Variants in CNTLN observed in about 807,000 individuals in gnomAD.
CNTLN encodes the protein centlein, also known as centlein, centrosomal protein.
A neutral mutation model predicts 180.0 loss-of-function variants in CNTLN; 212 were observed. The observed-to-expected ratio is 1.18, with a 90% confidence interval of 1.05 to 1.32. The LOEUF is 1.32. CNTLN is among the 40% of genes most tolerant of loss of function. The pLI, the probability that CNTLN is intolerant of heterozygous loss-of-function variation, is 0.00. For synonymous variants in CNTLN, 722 were observed against 563.1 expected (o/e 1.28, Z -3.99); for missense variants, 2,095 against 1,610.9 (o/e 1.30, Z -5.14).
chr9:17,445,880 G>A (rs973547443), intron 18 of CNTLN, among the ~76,000 whole-genome samples: 1 of 152,102 alleles, frequency 6.6e-6, no homozygotes, highest in Non-Finnish European at 1.5e-5. Context: ...CTGGGCAATG[G>A]AATGTCCCGG....
At chr9:17,168,374 A>C (rs1820219183) in intron 2 of CNTLN, 1 of 152,168 alleles carries the variant, frequency 6.6e-6, no homozygotes, top group African/African-American at 2.4e-5. Flanking sequence ...AAAAAAGAAA[A>C]AAGTTATATC....
Position 17,298,967 on chromosome 9 carries a change from G to C in CNTLN, c.1146+615G>C, listed in dbSNP as rs536354959. The C allele has an allele frequency of 6.1e-6, 6 of 983,708 alleles. No individual in the cohort carries two copies. In the African/African-American group the frequency reaches 1.0e-4, roughly 17 times the overall value. The allele number at this position is 983,708 out of a possible 1,614,324, so 60.9% of individuals were successfully genotyped here. ...TTAAAAAAAATACCTTTATTGGCCG[G>C]GCATGGTGGCTCATGCCTGTAATCC... On this transcript the variant is annotated intron_variant, in intron 7 of 25. Transcript: ENST00000380647.
intron 5 of CNTLN, among the ~76,000 whole-genome samples, chr9:17,273,457 A>G (rs1221340501): frequency 2.0e-5 from 3 of 152,170 alleles, no homozygotes; most frequent in Non-Finnish European, 2.9e-5. Context: ...TTATTGTACA[A>G]TAATTTAATA....
At chr9:17,158,710 A>C (rs1819469525) in intron 2 of CNTLN, among the ~76,000 whole-genome samples, 1 of 151,708 alleles carries the variant, frequency 6.6e-6, no homozygotes, top group Non-Finnish European at 1.5e-5. Context: ...AAGATTGGTA[A>C]TATCCCCCCC....
the CNTLN span, among the ~76,000 whole-genome samples, chr9:17,520,284 G>A: frequency 2.0e-5 from 3 of 152,220 alleles, no homozygotes. Flanking sequence ...GCCACTGCAA[G>A]TGTTACAGGG....
intron 2 of CNTLN, among the ~76,000 whole-genome samples, chr9:17,203,970 T>C (rs1260424489): frequency 1.3e-5 from 2 of 152,242 alleles, no homozygotes; most frequent in African/African-American, 4.8e-5. Context: ...ATACTTGTGT[T>C]TGCTTCACAA....
At chr9:17,206,052 T>C (rs957445908) in intron 2 of CNTLN, among the ~76,000 whole-genome samples, 3 of 152,152 alleles carry the variant, frequency 2.0e-5, no homozygotes, top group Admixed American at 6.5e-5. Flanking sequence ...ATCAACTGGG[T>C]AGCCACCACT....
At chr9:17,244,748 A>G (rs1043279303) in intron 5 of CNTLN, among the ~76,000 whole-genome samples, 1 of 151,670 alleles carries the variant, frequency 6.6e-6, no homozygotes, top group African/African-American at 2.4e-5. Flanking sequence ...CTTTTAGTAA[A>G]GGTGATTTTC....
intron 19 of CNTLN, among the ~76,000 whole-genome samples, chr9:17,460,594 G>C (rs984950412): frequency 1.5e-4 from 23 of 151,684 alleles, no homozygotes; most frequent in African/African-American, 5.1e-4. Context: ...AAAAATTTTT[G>C]AGGATCAAAT....
chr9:17,475,736 G>A (rs1358806411), intron 23 of CNTLN, among the ~76,000 whole-genome samples: 6 of 152,026 alleles, frequency 3.9e-5, no homozygotes, highest in Admixed American at 3.9e-4. Flanking sequence ...AGCTGGGCAT[G>A]GTGGTGGGCA....
intron 19 of CNTLN, among the ~76,000 whole-genome samples, chr9:17,460,564 T>A (rs1363719715): frequency 6.6e-6 from 1 of 151,766 alleles, no homozygotes; most frequent in Non-Finnish European, 1.5e-5. Flanking sequence ...AAAGCAGGGA[T>A]ACCTTTCTAC....
At chr9:17,368,257 T>C (rs1276633030) in intron 13 of CNTLN, among the ~76,000 whole-genome samples, 2 of 152,080 alleles carry the variant, frequency 1.3e-5, no homozygotes, top group East Asian at 3.9e-4. Context: ...AGAGACTCCT[T>C]TGCCTGTGGA....
intron 13 of CNTLN, among the ~76,000 whole-genome samples, chr9:17,368,079 C>T (rs1823983292): frequency 1.3e-5 from 2 of 152,072 alleles, no homozygotes; most frequent in Non-Finnish European, 2.9e-5. Flanking sequence ...TCTTAGTTGG[C>T]ATTTCTAGAC....
intron 23 of CNTLN, among the ~76,000 whole-genome samples, chr9:17,468,186 C>T (rs1037817937): frequency 6.6e-6 from 1 of 151,524 alleles, no homozygotes; most frequent in Non-Finnish European, 1.5e-5. Context: ...GGAACCTAAA[C>T]ATTGAGTACA....
chr9:17,386,586 G>A (rs960108630), intron 13 of CNTLN, among the ~76,000 whole-genome samples: 1 of 152,124 alleles, frequency 6.6e-6, no homozygotes, highest in Non-Finnish European at 1.5e-5. Flanking sequence ...TCTTTCCATG[G>A]CATGAGCTTA....
chr9:17,157,482 T>A (rs1289660877), intron 2 of CNTLN, among the ~76,000 whole-genome samples: 1 of 152,160 alleles, frequency 6.6e-6, no homozygotes, highest in Non-Finnish European at 1.5e-5. Context: ...TTCCTCAATG[T>A]GAAAGTTAAT....
chr9:17,476,038 T>TC (rs1423670194), intron 23 of CNTLN, among the ~76,000 whole-genome samples: 1 of 152,180 alleles, frequency 6.6e-6, no homozygotes, highest in Non-Finnish European at 1.5e-5. Context: ...TATTTTTTTT[T>TC]CCAACAGTGT....
At chr9:17,155,814 G>A (rs1431740983) in intron 2 of CNTLN, among the ~76,000 whole-genome samples, 3 of 152,152 alleles carry the variant, frequency 2.0e-5, no homozygotes, top group Admixed American at 1.3e-4. Context: ...AGCTAGTTCG[G>A]TGTCTGCCCA....
rs764605309 is a variant in CNTLN at position 17,273,741 on chromosome 9, A to G, written c.858A>G (p.Glu286=). 31 of 1,517,690 alleles carry G rather than the reference A, an allele frequency of 2.0e-5. No individual in the cohort carries two copies. In the South Asian group the frequency reaches 3.6e-4, roughly 18 times the overall value. 94.0% of individuals were successfully genotyped at this position (1,517,690 alleles called of 1,614,324 possible). Residue 286 remains glutamate (E), a synonymous_variant, in exon 6 of 26, where the codon GAA becomes GAG. Coordinates refer to ENST00000380647, the MANE Select transcript of CNTLN (RefSeq NM_017738.4). Reference sequence around the variant, plus strand: ...AAGCACTCTAATTTTAGACCTTTGAAGACAATTTAATTGAAGCAAGGAAAG... The same window carrying G: ...AAGCACTCTAATTTTAGACCTTTGAGGACAATTTAATTGAAGCAAGGAAAG... The part of the protein sequence containing the change: ...YSTDAKIKTF[E]DNLIEARKEV...
Sources: gnomAD v4.1 joint callset for allele counts (sites outside exome capture counted in the v4.1 genomes callset) on GRCh38, gnomAD v4.1.1 for gene constraint, MANE v1.5 for transcripts, NCBI Gene and HGNC (gene_info 2026-07-23, HGNC 2026-07-21) for gene names.